SPECC1L: variants seen among roughly 807,000 people sequenced by gnomAD.
SPECC1L encodes cytospin-A.
A neutral mutation model predicts 116.8 loss-of-function variants in SPECC1L; 40 were observed. The ratio of observed to expected loss-of-function variants is 0.34; its 90% CI spans 0.27 to 0.45. The LOEUF (loss-of-function observed/expected upper bound fraction) is 0.45. Ranked by LOEUF, SPECC1L falls within the 20% of genes least tolerant of loss-of-function variation. SPECC1L has a pLI of 1.00. For missense variants in SPECC1L, 1,110 were observed against 1,373.6 expected, an observed-to-expected ratio of 0.81 and a Z score of 3.03; for synonymous variants, 504 against 500.6, an observed-to-expected ratio of 1.01 and a Z score of -0.09.
Position 24,302,349 on chromosome 22 carries a change from C to T in SPECC1L, c.118C>T (p.Leu40Phe). ...CTCTTCAGCATCTACGGGAGGCAAACTTGTAAAACCTGGAACAGCAGCATC... is the reference window on the plus strand; with the variant it reads ...CTCTTCAGCATCTACGGGAGGCAAATTTGTAAAACCTGGAACAGCAGCATC... ...NSSSASTGGK[L>F]VKPGTAASLS... Residue 40 changes from leucine to phenylalanine, a missense_variant, in exon 3 of 17, where the codon CTT becomes TTT. Leu to Phe is a conservative substitution (Grantham distance 22). This residue lies in a region of SPECC1L where 437 missense variants were observed against 482.6 expected (regional missense o/e 0.91). Coordinates refer to ENST00000314328, the MANE Select transcript of SPECC1L (RefSeq NM_015330.6). 1 of 1,614,080 alleles carries T rather than the reference C, an allele frequency of 6.2e-7. No individual in the cohort carries two copies. Among genetic ancestry groups the T allele is most frequent in the Non-Finnish European group, 8.5e-7 (1 of 1,180,014 alleles).
intron 11 of SPECC1L, among the ~76,000 whole-genome samples, chr22:24,355,013 G>T (rs2041500980): frequency 6.7e-6 from 1 of 150,118 alleles, no homozygotes; most frequent in Non-Finnish European, 1.5e-5. Context: ...AGGCGCAGTG[G>T]CTCATGCCTG....
At chr22:24,346,673 G>T (rs1481968235) in intron 10 of SPECC1L, among the ~76,000 whole-genome samples, 2 of 151,794 alleles carry the variant, frequency 1.3e-5, no homozygotes, top group Admixed American at 6.6e-5. Flanking sequence ...CCCCAGGAAG[G>T]ATCCTTATGG....
At chr22:24,320,752 A>T (rs9624456) in intron 4 of SPECC1L, among the ~76,000 whole-genome samples, 7,116 of 152,258 alleles carry the variant, frequency 0.047, 375 homozygotes, top group South Asian at 0.14. Context: ...TGTTAAAACT[A>T]TTTTGCATTT....
At chr22:24,358,249 G>C (rs1277818205) in intron 11 of SPECC1L, among the ~76,000 whole-genome samples, 1 of 151,594 alleles carries the variant, frequency 6.6e-6, no homozygotes, top group Non-Finnish European at 1.5e-5. Flanking sequence ...CAAGTAGCTA[G>C]GGCTACAGGT....
chr22:24,321,799 A>G lies in SPECC1L; in HGVS notation c.819A>G (p.Ala273=). ...ENRMLKDRLN[A]LGFSLEQRLD... ...GAATGTTAAAGGACAGGTTGAATGC[A>G]TTGGGCTTTTCCCTAGAGCAGAGGT... is the stretch of plus-strand genomic sequence containing the variant. Residue 273 remains alanine (A), a synonymous_variant, in exon 5 of 17, where the codon GCA becomes GCG. Transcript: ENST00000314328. 1 of 1,614,244 alleles carries G rather than the reference A, an allele frequency of 6.2e-7. No homozygotes were observed.
At chr22:24,300,686 T>C (rs1399686136) in intron 2 of SPECC1L, among the ~76,000 whole-genome samples, 1 of 152,216 alleles carries the variant, frequency 6.6e-6, no homozygotes, top group Admixed American at 6.5e-5. Context: ...TGAGATGTTA[T>C]CTCATTGTGG....
In SPECC1L at chr22:24,302,225, G is replaced by A; in HGVS notation, c.-7G>A. The A allele has an allele frequency of 6.2e-7, 1 of 1,613,980 alleles. No homozygotes were observed. Among genetic ancestry groups the A allele is most frequent in the Non-Finnish European group, 8.5e-7 (1 of 1,179,994 alleles). On this transcript the variant is annotated 5_prime_UTR_variant, in exon 3 of 17. Coordinates refer to ENST00000314328, the MANE Select transcript of SPECC1L (RefSeq NM_015330.6). ...CTTGTAAATGCATCACGAAGAGGCA[G>A]CCCAGAATGAAGAAAGCAAGCAGGA...
At chr22:24,405,838 C>CAA (rs35648769) in intron 14 of SPECC1L, among the ~76,000 whole-genome samples, 1 of 136,448 alleles carries the variant, frequency 7.3e-6, no homozygotes. Flanking sequence ...GACTCTGCCT[C>CAA]AAAAAAAAAA....
At chr22:24,303,824 G>T (rs1023675297) in intron 3 of SPECC1L, among the ~76,000 whole-genome samples, 2 of 148,798 alleles carry the variant, frequency 1.3e-5, no homozygotes, top group African/African-American at 5.0e-5. Context: ...TGGCTCTGCT[G>T]CATTAACAAG....
chr22:24,325,764 C>A (rs1357054138), intron 6 of SPECC1L, among the ~76,000 whole-genome samples: 1 of 152,036 alleles, frequency 6.6e-6, no homozygotes, highest in African/African-American at 2.4e-5. Flanking sequence ...AAAATGTCAC[C>A]TGAGAATCAA....
intron 13 of SPECC1L, among the ~76,000 whole-genome samples, chr22:24,367,069 CT>C (rs980268477): frequency 3.3e-5 from 5 of 152,188 alleles, no homozygotes; most frequent in African/African-American, 1.2e-4. Context: ...TTTTGCGCAC[CT>C]GCAGTCCCAG....
chr22:24,324,306 C>T lies in SPECC1L; in HGVS notation c.2025C>T (p.Asp675=). The T allele has an allele frequency of 6.2e-7, 1 of 1,613,856 alleles. No homozygotes were observed. Among genetic ancestry groups the T allele is most frequent in the Non-Finnish European group, 8.5e-7 (1 of 1,179,846 alleles). ...LNMTLEKLRS[D]LDEKETERSD... The stretch of plus-strand genomic sequence containing the variant: ...TGACGTTAGAAAAATTAAGATCAGA[C>T]CTGGATGAAAAAGAAACAGAAAGGA... Residue 675 remains aspartate, a synonymous_variant, in exon 6 of 17, where the codon GAC becomes GAT. Coordinates refer to ENST00000314328, the MANE Select transcript of SPECC1L (RefSeq NM_015330.6).
At chr22:24,279,088 C>T (rs2048892397) in intron 2 of SPECC1L, among the ~76,000 whole-genome samples, 1 of 152,080 alleles carries the variant, frequency 6.6e-6, no homozygotes, top group Non-Finnish European at 1.5e-5. Context: ...GCAAAACTTC[C>T]AGGCCCATTC....
At chr22:24,318,554 A>G (rs952936482) in intron 4 of SPECC1L, among the ~76,000 whole-genome samples, 3 of 152,102 alleles carry the variant, frequency 2.0e-5, no homozygotes, top group Admixed American at 6.5e-5. Flanking sequence ...TTTCTTTTTT[A>G]TAAGGATTTT....
intron 3 of SPECC1L, among the ~76,000 whole-genome samples, chr22:24,311,115 C>T (rs916898292): frequency 6.6e-6 from 1 of 152,060 alleles, no homozygotes; most frequent in Non-Finnish European, 1.5e-5. Context: ...ATTCTTGTTC[C>T]AGTGCTGTAC....
At position 24,338,369 on chromosome 22, in the gene SPECC1L, GT is replaced by G. The variant is rs762028985; in HGVS notation, c.2561-14del. 1.2e-6 allele frequency: 2 copies of G among 1,612,886 alleles called. No homozygotes were observed. Among genetic ancestry groups the G allele is most frequent in the Non-Finnish European group, 8.5e-7 (1 of 1,179,108 alleles). On this transcript the variant is annotated splice_polypyrimidine_tract_variant and intron_variant, in intron 9 of 16. Coordinates refer to ENST00000314328, the MANE Select transcript of SPECC1L (RefSeq NM_015330.6). ...GTACAGTGACATTATTTCCCTTTTT[GT>G]TTGTTGTTTTTGTAGTACCAAACCC...
At chr22:24,394,643 CTT>C (rs1381401647) in intron 14 of SPECC1L, among the ~76,000 whole-genome samples, 1 of 152,196 alleles carries the variant, frequency 6.6e-6, no homozygotes, top group African/African-American at 2.4e-5. Context: ...TACCCTGTCA[CTT>C]TACCACCAGC....
At chr22:24,295,747 A>G (rs1281479708) in intron 2 of SPECC1L, among the ~76,000 whole-genome samples, 3 of 152,212 alleles carry the variant, frequency 2.0e-5, no homozygotes, top group South Asian at 4.2e-4. Flanking sequence ...TCAGGAGTTC[A>G]AGACCAGCCT....
At chr22:24,371,518 A>G (rs1472297977) in intron 14 of SPECC1L, among the ~76,000 whole-genome samples, 5 of 152,224 alleles carry the variant, frequency 3.3e-5, no homozygotes, top group African/African-American at 7.2e-5. Context: ...TCTGATCACA[A>G]TGAAAGATTA....
Sources: gnomAD v4.1 joint callset for allele counts (sites outside exome capture counted in the v4.1 genomes callset) on GRCh38, gnomAD v4.1.1 for gene constraint, gnomAD v4.1.1 regional missense constraint, MANE v1.5 for transcripts, NCBI Gene and HGNC (gene_info 2026-07-23, HGNC 2026-07-21) for gene names.